Variants in MYSM1 observed in about 807,000 individuals in gnomAD.
MYSM1 encodes deubiquitinase MYSM1.
Under a neutral mutation model 116.0 loss-of-function variants are expected in MYSM1, and 51 were observed. That is an observed-to-expected ratio of 0.44 (90% CI 0.35 to 0.56). The LOEUF (loss-of-function observed/expected upper bound fraction) is 0.56, where lower values mean the gene tolerates loss of function less well. MYSM1 is among the 20% of genes least tolerant of loss of function. The pLI, the probability that MYSM1 is intolerant of heterozygous loss-of-function variation, is 0.00. For missense variants in MYSM1, 900 were observed against 974.9 expected (o/e 0.92, Z 1.02); for synonymous variants, 313 against 315.2 (o/e 0.99, Z 0.07).
chr1:58,666,567 A>ATTTTTTT (rs1382110991), intron 16 of MYSM1, among the ~76,000 whole-genome samples: 1 of 115,348 alleles, frequency 8.7e-6, no homozygotes, highest in African/African-American at 3.2e-5. Context: ...CAGTATATGT[A>ATTTTTTT]TTTTTTTTCT....
intron 3 of MYSM1, 27 bp downstream of exon 3, chr1:58,692,834 A>G: frequency 6.4e-7 from 1 of 1,571,092 alleles, no homozygotes; most frequent in Middle Eastern, 1.7e-4. Context: ...TGAAACCTGT[A>G]CTTTCCTCAT....
intron 8 of MYSM1, among the ~76,000 whole-genome samples, chr1:58,678,367 G>GA (rs1272352866): frequency 6.6e-6 from 1 of 152,118 alleles, no homozygotes; most frequent in Non-Finnish European, 1.5e-5. Context: ...AAAGGAGTCT[G>GA]AAAAAACTAG....
intron 6 of MYSM1, among the ~76,000 whole-genome samples, chr1:58,688,483 T>G (rs1338298518): frequency 1.3e-5 from 2 of 151,774 alleles, no homozygotes; most frequent in Non-Finnish European, 2.9e-5. Context: ...TTTTCAGAAT[T>G]AGAAACCAGA....
At chr1:58,667,546 A>T (rs1260933080) in intron 15 of MYSM1, among the ~76,000 whole-genome samples, 3 of 152,152 alleles carry the variant, frequency 2.0e-5, no homozygotes, top group Non-Finnish European at 4.4e-5. Context: ...TGATGCATAC[A>T]AACTTTCAAC....
At chr1:58,669,941 G>A (rs1341164780) in intron 12 of MYSM1, among the ~76,000 whole-genome samples, 1 of 151,232 alleles carries the variant, frequency 6.6e-6, no homozygotes, top group Non-Finnish European at 1.5e-5. Flanking sequence ...TCTCAGAAAT[G>A]TCAGTAAAGA....
chr1:58,667,803 T>C (rs1467574420), intron 15 of MYSM1, 44 bp downstream of exon 15: 4 of 1,114,390 alleles, frequency 3.6e-6, no homozygotes, highest in Admixed American at 1.7e-5. Flanking sequence ...GGTATGGTAG[T>C]AGGACTAAAT....
At chr1:58,666,526 G>GA (rs34472745) in intron 16 of MYSM1, among the ~76,000 whole-genome samples, 90,889 of 145,596 alleles carry the variant, frequency 0.62, 28,351 homozygotes, top group African/African-American at 0.69. Flanking sequence ...CTTGCAATCA[G>GA]AAAAAAAAAT....
At chr1:58,693,649 C>T (rs1644932983) in intron 2 of MYSM1, among the ~76,000 whole-genome samples, 1 of 152,126 alleles carries the variant, frequency 6.6e-6, no homozygotes, top group African/African-American at 2.4e-5. Context: ...TAATTCAAAT[C>T]TATCTACTCT....
rs771661685 is a variant in MYSM1 at position 58,682,110 on chromosome 1, T to C, written c.934A>G (p.Asn312Asp). 6.2e-7 allele frequency: 1 copy of C among 1,613,910 alleles called. No homozygotes were observed. Among genetic ancestry groups the C allele is most frequent in the South Asian group, 1.1e-5 (1 of 91,046 alleles). ...SNGDKKSIEL[N>D]DQKFNELIKN... ...ATCAATTCATTAAATTTCTGGTCAT[T>C]TAATTCAATTGATTTTTTGTCACCA... Residue 312 changes from asparagine to aspartate, a missense_variant, in exon 8 of 20, where the codon AAT becomes GAT. By Grantham distance (23) the Asn-to-Asp change is conservative. Coordinates refer to ENST00000472487, the MANE Select transcript of MYSM1 (RefSeq NM_001085487.3).
In MYSM1 at chr1:58,690,555, C is replaced by A. The variant is rs1030123811; in HGVS notation, c.219-138G>T. On this transcript the variant is annotated intron_variant, in intron 3 of 19. Transcript: ENST00000472487. ...AATTAGAAGTGACTACAAGAAACAG[C>A]CTCCATGTTTAAATCAAGCTTGTCC... 19 of 555,246 alleles carry A rather than the reference C, an allele frequency of 3.4e-5. No homozygotes were observed. The African/African-American group carries it at 3.5e-4, about 10-fold the overall frequency. The allele number at this position is 555,246 out of a possible 1,614,324, so 34.4% of individuals were successfully genotyped here.
chr1:58,689,294 CCT>C, intron 5 of MYSM1, 178 bp from the exon 6 acceptor site: 3 of 540,014 alleles, frequency 5.6e-6, no homozygotes, highest in East Asian at 3.3e-5. Flanking sequence ...AGAGATTTAC[CCT>C]GTCACGTGTC....
intron 12 of MYSM1, among the ~76,000 whole-genome samples, chr1:58,669,851 A>AG (rs1161623025): frequency 6.8e-6 from 1 of 146,562 alleles, no homozygotes; most frequent in African/African-American, 2.6e-5. Flanking sequence ...AAAAAAAAAA[A>AG]AAAAAAAAAA....
At position 58,657,343 on chromosome 1, in the gene MYSM1, C is replaced by T. The variant is rs1644332338; in HGVS notation, c.*2654G>A. ...TCTTTAAGTCCTTTAGTCCTTTCTC[C>T]ACTTCTGTAAACATTATTAAAGGCA... On this transcript the variant is annotated 3_prime_UTR_variant, in exon 20 of 20. Transcript: ENST00000472487. 1 of 152,056 alleles carries T rather than the reference C, an allele frequency of 6.6e-6. No homozygotes were observed. Among genetic ancestry groups the T allele is most frequent in the African/African-American group, 2.4e-5 (1 of 41,376 alleles). 9.4% of individuals were successfully genotyped at this position (152,056 alleles called of 1,614,324 possible). A position where few individuals can be genotyped will look rare whatever the true frequency, so the allele number is the denominator to read the frequency against.
chr1:58,688,957 ATAAAT>A, intron 6 of MYSM1, 76 bp downstream of exon 6: 1 of 1,256,010 alleles, frequency 8.0e-7, no homozygotes, highest in Non-Finnish European at 1.1e-6. Flanking sequence ...TCAGGTCTCT[ATAAAT>A]TAATTTAACC....
chr1:58,674,261 T>C (rs1411467709), intron 10 of MYSM1, among the ~76,000 whole-genome samples: 3 of 152,370 alleles, frequency 2.0e-5, no homozygotes, highest in East Asian at 3.9e-4. Context: ...GCAAGAGGTA[T>C]AATATTGAAA....
At chr1:58,698,306 T>G (rs1645012965) in intron 1 of MYSM1, among the ~76,000 whole-genome samples, 1 of 150,288 alleles carries the variant, frequency 6.7e-6, no homozygotes, top group Non-Finnish European at 1.5e-5. Flanking sequence ...TTCACCGTGT[T>G]AGCCAGGATG....
intron 1 of MYSM1, chr1:58,699,748 C>T (rs536907527): frequency 1.0e-6 from 1 of 985,456 alleles, no homozygotes; most frequent in African/African-American, 1.7e-5. Context: ...GGTGCCCTCA[C>T]AGCATCCGGC....
chr1:58,683,682 C>T (rs1367976314), intron 7 of MYSM1, among the ~76,000 whole-genome samples: 1 of 152,124 alleles, frequency 6.6e-6, no homozygotes, highest in Non-Finnish European at 1.5e-5. Context: ...CTCTCAGAAA[C>T]AGGTTATTTA....
rs1312490986 is a variant in MYSM1, at chr1:58,689,082, C to T, written c.355G>A (p.Val119Ile). 6.2e-7 allele frequency: 1 copy of T among 1,611,618 alleles called. No homozygotes were observed. Among genetic ancestry groups the T allele is most frequent in the Non-Finnish European group, 8.5e-7 (1 of 1,179,504 alleles). ...TCTTTTTCTTCTATCGTCCACTTTA[C>T]TGAGTAACTGGCTGGTTTTGTAGGA... The part of the protein sequence containing the change: ...HSPTKPASYS[V>I]KWTIEEKELF... The change falls in exon 6 of 20, where the codon GTA (valine) becomes ATA (isoleucine). Residue 119 changes from valine to isoleucine, a missense_variant. By Grantham distance (29) the Val-to-Ile change is conservative. Around this residue, in one of 3 missense-constraint regions of MYSM1, gnomAD observed 622 missense variants for 623.7 expected, o/e 1.00. Coordinates refer to ENST00000472487, the MANE Select transcript of MYSM1 (RefSeq NM_001085487.3).
Sources: allele counts gnomAD v4.1 joint callset (sites outside exome capture counted in the v4.1 genomes callset), GRCh38; gene constraint gnomAD v4.1.1; regional missense constraint gnomAD v4.1.1; transcripts MANE v1.5; gene names NCBI Gene and HGNC (gene_info 2026-07-23, HGNC 2026-07-21).